NRXN3: variants seen among roughly 807,000 people sequenced by gnomAD.
NRXN3 encodes neurexin 3.
A neutral mutation model predicts 137.6 loss-of-function variants in NRXN3; 32 were observed. The ratio of observed to expected loss-of-function variants is 0.23; its 90% confidence interval spans 0.18 to 0.31. NRXN3 has a LOEUF of 0.31. NRXN3 is among the 10% of genes least tolerant of loss of function. The pLI is 1.00. For missense variants in NRXN3, 1,574 were observed against 2,062.5 expected, an observed-to-expected ratio of 0.76 and a Z score of 4.59; for synonymous variants, 798 against 784.5, an observed-to-expected ratio of 1.02 and a Z score of -0.29.
intron 8 of NRXN3, among the ~76,000 whole-genome samples, chr14:78,767,353 G>A (rs2098712310): frequency 6.6e-6 from 1 of 152,180 alleles, no homozygotes; most frequent in African/African-American, 2.4e-5. Context: ...ATTTACTAAT[G>A]TAATCACAGG....
chr14:79,103,617 A>G (rs763633082), intron 15 of NRXN3, among the ~76,000 whole-genome samples: 6 of 152,132 alleles, frequency 3.9e-5, no homozygotes, highest in Non-Finnish European at 8.8e-5. Context: ...TTTTACTGAA[A>G]TACAAGTCTC....
intron 17 of NRXN3, among the ~76,000 whole-genome samples, chr14:79,664,918 C>A (rs1189702140): frequency 6.6e-6 from 1 of 152,152 alleles, no homozygotes; most frequent in African/African-American, 2.4e-5. Flanking sequence ...AAACTCCTCA[C>A]AATTTTCTCA....
intron 15 of NRXN3, among the ~76,000 whole-genome samples, chr14:79,105,144 C>G (rs899777168): frequency 1.3e-5 from 2 of 152,058 alleles, no homozygotes; most frequent in Non-Finnish European, 2.9e-5. Context: ...TTAATTATAA[C>G]AAAAACTGGA....
At chr14:78,761,839 G>A (rs1009863522) in intron 8 of NRXN3, among the ~76,000 whole-genome samples, 7 of 152,130 alleles carry the variant, frequency 4.6e-5, no homozygotes, top group Non-Finnish European at 8.8e-5. Flanking sequence ...TTTTTGGACA[G>A]CATTTGATGT....
At chr14:78,452,788 A>T (rs774163641) in intron 4 of NRXN3, among the ~76,000 whole-genome samples, 2 of 152,200 alleles carry the variant, frequency 1.3e-5, no homozygotes, top group Non-Finnish European at 2.9e-5. Flanking sequence ...ATGGCATCAG[A>T]GCCAACATCC....
intron 5 of NRXN3, among the ~76,000 whole-genome samples, chr14:78,645,901 C>T (rs2152575939): frequency 6.6e-6 from 1 of 152,182 alleles, no homozygotes; most frequent in Non-Finnish European, 1.5e-5. Flanking sequence ...CTTCCTTTTC[C>T]TCTTTTAATT....
chr14:78,540,435 C>CTTTTTTTTTTTTTT, intron 4 of NRXN3, among the ~76,000 whole-genome samples: 1 of 116,610 alleles, frequency 8.6e-6, no homozygotes, highest in Non-Finnish European at 1.7e-5. Context: ...GCAACCCCTG[C>CTTTTTTTTTTTTTT]TTTTTTTTTT....
intron 6 of NRXN3, among the ~76,000 whole-genome samples, chr14:78,665,965 T>G (rs2097882385): frequency 6.6e-6 from 1 of 152,216 alleles, no homozygotes; most frequent in African/African-American, 2.4e-5. Flanking sequence ...TCCTCGAAAG[T>G]GAGGTGTCCC....
chr14:79,275,680 G>T (rs1479727900), intron 15 of NRXN3, among the ~76,000 whole-genome samples: 1 of 151,972 alleles, frequency 6.6e-6, no homozygotes, highest in Non-Finnish European at 1.5e-5. Flanking sequence ...AGGGTCTGAT[G>T]GGTAAAGATG....
chr14:78,460,226 C>A (rs1019499194), intron 4 of NRXN3, among the ~76,000 whole-genome samples: 23 of 152,250 alleles, frequency 1.5e-4, no homozygotes, highest in African/African-American at 5.5e-4. Context: ...ACATGTCCAG[C>A]TGTCTGGAAG....
rs1383209067 is a variant in NRXN3, at chr14:78,995,565, GAAT to G, written c.3262+7433_3262+7435del. Among the ~76,000 whole-genome samples, 3 of 152,068 alleles carry G rather than the reference GAAT, an allele frequency of 2.0e-5. No homozygotes were observed. The East Asian group carries it at 5.8e-4, about 29-fold the overall frequency. On this transcript the variant is annotated intron_variant, in intron 15 of 20. Transcript: ENST00000335750. The stretch of plus-strand genomic sequence containing the variant: ...AGAATAAATTTTACAAACATAAATT[GAAT>G]AATAATAAATTGAATGTGTAGTGGT...
intron 16 of NRXN3, among the ~76,000 whole-genome samples, chr14:79,522,818 T>C (rs2097080746): frequency 6.6e-6 from 1 of 152,202 alleles, no homozygotes; most frequent in Non-Finnish European, 1.5e-5. Flanking sequence ...AGCACAACTC[T>C]TTATCAAACA....
chr14:78,731,244 T>C (rs1429384966), intron 8 of NRXN3, among the ~76,000 whole-genome samples: 2 of 152,170 alleles, frequency 1.3e-5, no homozygotes, highest in Non-Finnish European at 2.9e-5. Flanking sequence ...CTCTAGATTA[T>C]AGCTCTGTTA....
chr14:78,444,919 CAAAAAAAA>C (rs56400913), intron 4 of NRXN3, among the ~76,000 whole-genome samples: 4 of 47,110 alleles, frequency 8.5e-5, no homozygotes, highest in African/African-American at 2.9e-4. Context: ...AACTCTGTCT[CAAAAAAAA>C]AAAAAAAAAA....
At position 78,672,648 on chromosome 14, in the gene NRXN3, G is replaced by T. The variant is rs114152128; in HGVS notation, c.1221+21322G>T. ...TGCACTATTAATGGGAATTGGTCAC[G>T]CCCACAGGACTCTTCCCTCTAGCAT... On this transcript the variant is annotated intron_variant, in intron 6 of 20. Coordinates refer to ENST00000335750, the MANE Select transcript of NRXN3 (RefSeq NM_001330195.2). Among the ~76,000 whole-genome samples, 1,382 of 152,252 alleles carry T rather than the reference G, an allele frequency of 9.1e-3. 23 individuals carry two copies. The highest frequency in any genetic ancestry group is 0.032 in the African/African-American group (1,319 of 41,546).
chr14:79,781,856 T>TA (rs1319822683), intron 19 of NRXN3, among the ~76,000 whole-genome samples: 1 of 152,224 alleles, frequency 6.6e-6, no homozygotes, highest in African/African-American at 2.4e-5. Flanking sequence ...TATTTACTTG[T>TA]CTATTCTATG....
At chr14:79,578,412 T>C (rs777224840) in intron 16 of NRXN3, among the ~76,000 whole-genome samples, 2 of 152,108 alleles carry the variant, frequency 1.3e-5, no homozygotes, top group African/African-American at 2.4e-5. Context: ...TGATTGCCCA[T>C]ATATATATAG....
chr14:79,514,917 C>T (rs189986873), intron 16 of NRXN3, among the ~76,000 whole-genome samples: 1 of 151,040 alleles, frequency 6.6e-6, no homozygotes. Context: ...TGCTAGGGTG[C>T]AGTAAGTTAA....
Position 78,705,099 on chromosome 14 carries a change from T to C in NRXN3, c.1222-4118T>C, listed in dbSNP as rs548362287. 1.2e-4 allele frequency among the ~76,000 whole-genome samples: 19 copies of C among 152,336 alleles called. No individual in the cohort carries two copies. The East Asian group carries it at 2.3e-3, about 19-fold the overall frequency. ...AGCTTGTCACTGTTTGTGACTCTGC[T>C]TCTGTACCTCCCAGTCTGTGTGACA... On this transcript the variant is annotated intron_variant, in intron 6 of 20. Coordinates refer to ENST00000335750, the MANE Select transcript of NRXN3 (RefSeq NM_001330195.2).
Sources: allele counts gnomAD v4.1 joint callset (sites outside exome capture counted in the v4.1 genomes callset), GRCh38; gene constraint gnomAD v4.1.1; transcripts MANE v1.5; gene names NCBI Gene and HGNC (gene_info 2026-07-23, HGNC 2026-07-21).